Variants in INKA2 observed in about 807,000 individuals in gnomAD.
The protein encoded by INKA2 is PAK4-inhibitor INKA2.
In INKA2, 3 loss-of-function variants were observed where a neutral mutation model predicts 9.8. The observed-to-expected ratio is 0.31, with a 90% CI of 0.14 to 0.79. The LOEUF is 0.79. Among genes scored for constraint, INKA2 ranks in the 30% least tolerant of loss-of-function variants. The pLI is 0.62. For synonymous variants in INKA2, 147 were observed against 143.3 expected, an observed-to-expected ratio of 1.03 and a Z score of -0.18; for missense variants, 392 against 384.4, an observed-to-expected ratio of 1.02 and a Z score of -0.17.
intron 1 of INKA2, among the ~76,000 whole-genome samples, chr1:111,749,455 C>T (rs1049051131): frequency 6.6e-6 from 1 of 151,144 alleles, no homozygotes; most frequent in Non-Finnish European, 1.5e-5. Flanking sequence ...TGCGCGCGCG[C>T]GCGTGCTAGG....
rs2076593 is a variant in INKA2 at position 111,725,366 on chromosome 1, T to C, written c.*1602A>G. 0.078 allele frequency: 11,834 copies of C among 152,068 alleles called. 514 individuals are homozygous for C. Among genetic ancestry groups the C allele is most frequent in the African/African-American group, 0.12 (4,947 of 41,456 alleles). 9.4% of individuals were successfully genotyped at this position (152,068 alleles called of 1,614,324 possible). A position where few individuals can be genotyped will look rare whatever the true frequency, so the allele number is the denominator to read the frequency against. ...ATCCACATTGTCTTTTCCCAGCCAG[T>C]GAGTGTTCCCTACTGGAGTGGGAGG... On this transcript the variant is annotated 3_prime_UTR_variant, in exon 2 of 2. Coordinates refer to ENST00000357260, the MANE Select transcript of INKA2 (RefSeq NM_019099.5).
upstream of INKA2, among the ~76,000 whole-genome samples, chr1:111,741,716 G>GTGTTTTTGTTTTGTTTTTGTTT (rs982929703): frequency 6.6e-6 from 1 of 152,142 alleles, no homozygotes; most frequent in Non-Finnish European, 1.5e-5. Flanking sequence ...GGCTGAAATA[G>GTGTTTTTGTTTTGTTTTTGTTT]TGTTTTTGTT....
chr1:111,739,107 C>T (rs550599307), intron 1 of INKA2, 79 bp downstream of exon 1: 9 of 1,417,842 alleles, frequency 6.3e-6, no homozygotes, highest in Non-Finnish European at 8.9e-6. Flanking sequence ...CGTCCCGGCT[C>T]CCCGGGGGCC....
At position 111,725,896 on chromosome 1, in the gene INKA2, C is replaced by T; in HGVS notation, c.*1072G>A. ...TACAGGCGTGTGCCACCACGCCTGG[C>T]TAATTTTTACGTATTTTTTTAGTAG... On this transcript the variant is annotated 3_prime_UTR_variant, in exon 2 of 2. Transcript: ENST00000357260. The T allele has an allele frequency of 2.8e-6, 1 of 354,212 alleles. No homozygotes were observed. Among genetic ancestry groups the T allele is most frequent in the Non-Finnish European group, 5.0e-6 (1 of 198,322 alleles). 21.9% of individuals were successfully genotyped at this position (354,212 alleles called of 1,614,324 possible).
At chr1:111,730,533 G>A (rs868467319) in intron 1 of INKA2, among the ~76,000 whole-genome samples, 1 of 152,108 alleles carries the variant, frequency 6.6e-6, no homozygotes, top group African/African-American at 2.4e-5. Context: ...GCTCTCCAAT[G>A]CCCAGACTCA....
At chr1:111,733,845 C>T (rs907117465) in intron 1 of INKA2, among the ~76,000 whole-genome samples, 5 of 152,200 alleles carry the variant, frequency 3.3e-5, no homozygotes, top group African/African-American at 1.2e-4. Context: ...GCCCTCCTTC[C>T]ATCCATCTCA....
upstream of INKA2, among the ~76,000 whole-genome samples, chr1:111,742,570 C>T (rs577497697): frequency 5.9e-5 from 9 of 152,256 alleles, no homozygotes; most frequent in South Asian, 2.1e-4. Context: ...GGTGACAAAG[C>T]GAGACTCCGT....
rs1196312058 is a variant in INKA2, at chr1:111,724,388, GTT to G, written c.*2578_*2579del. ...TGTGACCAGTCCACGAAACACGTGA[GTT>G]ATAGGTGAATGTCCAAGAAGTACCT... On this transcript the variant is annotated 3_prime_UTR_variant, in exon 2 of 2. Transcript: ENST00000357260. The G allele has an allele frequency of 2.0e-5, 3 of 152,238 alleles. No individual in the cohort carries two copies. Among genetic ancestry groups the G allele is most frequent in the Admixed American group, 6.5e-5 (1 of 15,280 alleles). 9.4% of individuals were successfully genotyped at this position (152,238 alleles called of 1,614,324 possible). A position where few individuals can be genotyped will look rare whatever the true frequency, so the allele number is the denominator to read the frequency against.
At chr1:111,753,814 A>C (rs1169770793) in intron 1 of INKA2, 1 of 152,234 alleles carries the variant, frequency 6.6e-6, no homozygotes, top group South Asian at 2.1e-4. Context: ...GGCACATACA[A>C]GTAACCAAGC....
chr1:111,755,486 G>C (rs1663518431), intron 1 of INKA2: 1 of 581,492 alleles, frequency 1.7e-6, no homozygotes, highest in South Asian at 2.1e-5. Context: ...TAGCGTTGGG[G>C]AAGAGGTGGC....
At chr1:111,734,711 CT>C (rs1158069288) in intron 1 of INKA2, among the ~76,000 whole-genome samples, 3 of 152,230 alleles carry the variant, frequency 2.0e-5, no homozygotes, top group African/African-American at 7.2e-5. Context: ...GTACATTTTG[CT>C]CATGTTGTTT....
intron 1 of INKA2, among the ~76,000 whole-genome samples, chr1:111,733,744 G>T (rs1251751747): frequency 6.6e-6 from 1 of 152,212 alleles, no homozygotes; most frequent in Non-Finnish European, 1.5e-5. Context: ...TCTTTGTGGT[G>T]AGGGAGGAGC....
intron 1 of INKA2, chr1:111,754,720 C>T (rs1362991630): frequency 1.3e-5 from 2 of 152,102 alleles, no homozygotes; most frequent in East Asian, 3.8e-4. Context: ...GGCATGATGA[C>T]TAAGAGTTTG....
At chr1:111,729,955 C>T (rs1185332779) in intron 1 of INKA2, among the ~76,000 whole-genome samples, 2 of 152,238 alleles carry the variant, frequency 1.3e-5, no homozygotes, top group East Asian at 1.9e-4. Context: ...AGATTGCCCA[C>T]GCTCTGTGCA....
Position 111,726,731 on chromosome 1 carries a change from G to T in INKA2, c.*237C>A. The T allele has an allele frequency of 1.8e-6, 1 of 557,396 alleles. No individual in the cohort carries two copies. The highest frequency in any genetic ancestry group is 3.2e-6 in the Non-Finnish European group (1 of 311,620). The allele number at this position is 557,396 out of a possible 1,614,324, so 34.5% of individuals were successfully genotyped here. On this transcript the variant is annotated 3_prime_UTR_variant, in exon 2 of 2. Coordinates refer to ENST00000357260, the MANE Select transcript of INKA2 (RefSeq NM_019099.5). ...CACATGCACACACACACACACACAC[G>T]CACAGCTCACTCTCCAGCTACTCTT...
At chr1:111,755,489 G>A (rs887606194) in intron 1 of INKA2, 27 of 583,022 alleles carry the variant, frequency 4.6e-5, no homozygotes, top group East Asian at 4.0e-4. Flanking sequence ...CGTTGGGGAA[G>A]AGGTGGCCGC....
chr1:111,729,832 TG>T (rs1039304022), intron 1 of INKA2, among the ~76,000 whole-genome samples: 1 of 152,076 alleles, frequency 6.6e-6, no homozygotes, highest in South Asian at 2.1e-4. Context: ...ACCCTGGCCC[TG>T]GGGGGGATGG....
intron 1 of INKA2, chr1:111,754,323 T>C (rs1020537106): frequency 1.3e-5 from 2 of 152,230 alleles, no homozygotes; most frequent in Admixed American, 1.3e-4. Context: ...CTCAATGTTT[T>C]GTACATTTCC....
At position 111,755,759 on chromosome 1, in the gene INKA2, T is replaced by C. The variant is rs374422621; in HGVS notation, n.66A>G. 29 of 1,613,770 alleles carry C rather than the reference T, an allele frequency of 1.8e-5. No homozygotes were observed. In the Middle Eastern group the frequency reaches 4.9e-4, roughly 28 times the overall value. On this transcript the variant is annotated non_coding_transcript_exon_variant, in exon 1 of 2. Coordinates refer to the INKA2 transcript ENST00000444059. ...GGCTTTCCTCAGGCCACATTTTTTG[T>C]GTGTCTGGGCAGTCTCTCAGCCTCC...
Sources: allele counts gnomAD v4.1 joint callset (sites outside exome capture counted in the v4.1 genomes callset), GRCh38; gene constraint gnomAD v4.1.1; transcripts MANE v1.5; gene names NCBI Gene and HGNC (gene_info 2026-07-23, HGNC 2026-07-21).